ST8SIA1: variants seen among roughly 807,000 people sequenced by gnomAD.
The protein encoded by ST8SIA1 is alpha-N-acetylneuraminide alpha-2,8-sialyltransferase.
Under a neutral mutation model 35.9 loss-of-function variants are expected in ST8SIA1, and 16 were observed. The ratio of observed to expected loss-of-function variants is 0.45; its 90% CI spans 0.30 to 0.68. The LOEUF (loss-of-function observed/expected upper bound fraction) is 0.68. Ranked by LOEUF, ST8SIA1 falls within the 30% of genes least tolerant of loss-of-function variation. The probability of loss-of-function intolerance (pLI) is 0.09; values close to 1 mark genes in which losing one functional copy is unlikely to be tolerated. For missense variants in ST8SIA1, 383 were observed against 453.6 expected (o/e 0.84, Z 1.41); for synonymous variants, 170 against 169.6 (o/e 1.00, Z -0.02).
At chr12:22,208,376 T>C (rs1373519461) in intron 4 of ST8SIA1, among the ~76,000 whole-genome samples, 1 of 152,112 alleles carries the variant, frequency 6.6e-6, no homozygotes, top group Non-Finnish European at 1.5e-5. Context: ...AAAAAATATT[T>C]ATTGGAACCA....
chr12:22,304,726 G>A (rs1450328727), intron 1 of ST8SIA1, among the ~76,000 whole-genome samples: 1 of 152,190 alleles, frequency 6.6e-6, no homozygotes. Flanking sequence ...CACTGTAAAA[G>A]CATCACATGG....
chr12:22,239,731 T>G (rs1412401938), intron 4 of ST8SIA1, among the ~76,000 whole-genome samples: 1 of 152,208 alleles, frequency 6.6e-6, no homozygotes, highest in African/African-American at 2.4e-5. Context: ...GAGCTATCAT[T>G]TGTTTGAACA....
At position 22,333,983 on chromosome 12, in the gene ST8SIA1, G is replaced by A. The variant is rs1474871306; in HGVS notation, c.236+14C>T. ...AAGGACGCTAGAGGGGAGGAGCCGCGAGGGCAGGAGTACCTGAACGCTCTG... is the reference window on the plus strand; with the variant it reads ...AAGGACGCTAGAGGGGAGGAGCCGCAAGGGCAGGAGTACCTGAACGCTCTG... On this transcript the variant is annotated intron_variant, in intron 1 of 4. Transcript: ENST00000396037. The A allele has an allele frequency of 1.2e-5, 19 of 1,611,176 alleles. No homozygotes were observed. Among genetic ancestry groups the A allele is most frequent in the East Asian group, 2.2e-5 (1 of 44,852 alleles).
At chr12:22,267,844 T>C (rs181262828) in intron 2 of ST8SIA1, among the ~76,000 whole-genome samples, 1 of 152,324 alleles carries the variant, frequency 6.6e-6, no homozygotes, top group African/African-American at 2.4e-5. Context: ...ATGTTTGTGA[T>C]CCACCTGATC....
chr12:22,318,620 A>T (rs1210281031), intron 1 of ST8SIA1, among the ~76,000 whole-genome samples: 1 of 152,222 alleles, frequency 6.6e-6, no homozygotes, highest in East Asian at 1.9e-4. Flanking sequence ...TGTCAGGCAG[A>T]GAGAGGAAAA....
rs963355597 is a variant in ST8SIA1 at position 22,201,001 on chromosome 12, A to T, written c.*551T>A. The T allele has an allele frequency of 1.5e-4, 23 of 152,244 alleles. No individual in the cohort carries two copies. Among genetic ancestry groups the T allele is most frequent in the African/African-American group, 5.1e-4 (21 of 41,456 alleles). 9.4% of individuals were successfully genotyped at this position (152,244 alleles called of 1,614,324 possible). ...AGACGTGGCTCAACAAATCACAATT[A>T]TCAGCAGTAACATTTTGTATCTTTA... On this transcript the variant is annotated 3_prime_UTR_variant, in exon 5 of 5. Coordinates refer to ENST00000396037, the MANE Select transcript of ST8SIA1 (RefSeq NM_003034.4).
intron 1 of ST8SIA1, among the ~76,000 whole-genome samples, chr12:22,298,000 T>C (rs1003004355): frequency 6.6e-6 from 1 of 152,054 alleles, no homozygotes; most frequent in Non-Finnish European, 1.5e-5. Flanking sequence ...TGGCTAATGG[T>C]TTAATCAATC....
chr12:22,297,801 C>T (rs1035906630), intron 1 of ST8SIA1, among the ~76,000 whole-genome samples: 3 of 151,940 alleles, frequency 2.0e-5, no homozygotes, highest in Non-Finnish European at 4.4e-5. Flanking sequence ...TCTTAAAATC[C>T]TCGGAAACTC....
At chr12:22,231,622 A>G (rs186475095) in intron 4 of ST8SIA1, among the ~76,000 whole-genome samples, 25 of 151,840 alleles carry the variant, frequency 1.6e-4, no homozygotes, top group Non-Finnish European at 2.9e-4. Context: ...CACCCAGGCT[A>G]GAGTGCAGTG....
chr12:22,321,012 A>G (rs1191754280), intron 1 of ST8SIA1, among the ~76,000 whole-genome samples: 5 of 64,690 alleles, frequency 7.7e-5, no homozygotes, highest in East Asian at 2.6e-4. Context: ...AGAAGAAAGA[A>G]AGAAAGAAAG....
intron 2 of ST8SIA1, among the ~76,000 whole-genome samples, chr12:22,282,479 G>A (rs541537570): frequency 1.3e-5 from 2 of 152,240 alleles, no homozygotes; most frequent in South Asian, 4.1e-4. Flanking sequence ...AATGATACAT[G>A]AGCAGGAATC....
At chr12:22,303,331 T>G (rs1866340047) in intron 1 of ST8SIA1, among the ~76,000 whole-genome samples, 1 of 151,982 alleles carries the variant, frequency 6.6e-6, no homozygotes, top group Non-Finnish European at 1.5e-5. Context: ...TTTTTTTTTT[T>G]GGAATTTGGC....
chr12:22,216,708 C>T (rs1865236952), intron 4 of ST8SIA1, among the ~76,000 whole-genome samples: 1 of 152,110 alleles, frequency 6.6e-6, no homozygotes, highest in South Asian at 2.1e-4. Context: ...TTCCCTAAGG[C>T]TAATGCTATG....
At chr12:22,214,432 G>A (rs1865211866) in intron 4 of ST8SIA1, among the ~76,000 whole-genome samples, 1 of 152,140 alleles carries the variant, frequency 6.6e-6, no homozygotes, top group Middle Eastern at 3.4e-3. Flanking sequence ...AAGTAAATTA[G>A]GAAAATATAT....
chr12:22,285,877 C>CAAAAAAAACAAAAAAAAA (rs67273710), intron 2 of ST8SIA1, among the ~76,000 whole-genome samples: 1 of 103,632 alleles, frequency 9.6e-6, no homozygotes, highest in African/African-American at 3.7e-5. Flanking sequence ...CTGTCAAAAA[C>CAAAAAAAACAAAAAAAAA]AAAAAAAAAA....
rs1198581076 is a variant in ST8SIA1 at position 22,201,347 on chromosome 12, T to C, written c.*205A>G. The stretch of plus-strand genomic sequence containing the variant: ...CTAGTTGCAAATCTGCCATGTGCTA[T>C]AAAGTATTTCATAGGATGTTTCATT... On this transcript the variant is annotated 3_prime_UTR_variant, in exon 5 of 5. Coordinates refer to ENST00000396037, the MANE Select transcript of ST8SIA1 (RefSeq NM_003034.4). 2 of 611,796 alleles carry C rather than the reference T, an allele frequency of 3.3e-6. No individual in the cohort carries two copies. Among genetic ancestry groups the C allele is most frequent in the East Asian group, 2.9e-5 (1 of 34,002 alleles). The allele number at this position is 611,796 out of a possible 1,614,324, so 37.9% of individuals were successfully genotyped here.
intron 2 of ST8SIA1, among the ~76,000 whole-genome samples, chr12:22,280,607 T>C (rs780581850): frequency 2.6e-5 from 4 of 152,252 alleles, no homozygotes; most frequent in Non-Finnish European, 5.9e-5. Flanking sequence ...TTTCATTTTG[T>C]TCTCAACCAT....
chr12:22,258,420 C>T (rs1427171128), intron 2 of ST8SIA1, among the ~76,000 whole-genome samples: 1 of 150,764 alleles, frequency 6.6e-6, no homozygotes, highest in Non-Finnish European at 1.5e-5. Context: ...AGTCAGGAGA[C>T]TGGATGGTGA....
chr12:22,278,072 C>T (rs7966606), intron 2 of ST8SIA1, among the ~76,000 whole-genome samples: 5,913 of 152,164 alleles, frequency 0.039, 404 homozygotes, highest in African/African-American at 0.13. Context: ...AATGAGTGGT[C>T]GAACACTTAT....
Sources: allele counts gnomAD v4.1 joint callset (sites outside exome capture counted in the v4.1 genomes callset), GRCh38; gene constraint gnomAD v4.1.1; transcripts MANE v1.5; gene names NCBI Gene and HGNC (gene_info 2026-07-23, HGNC 2026-07-21).